Variants in ETV6 observed in about 807,000 individuals in gnomAD.
The protein encoded by ETV6 is transcription factor ETV6.
In ETV6, 16 loss-of-function variants were observed where a neutral mutation model predicts 51.1. That is an observed-to-expected ratio of 0.31 (90% CI 0.21 to 0.48). ETV6 has a LOEUF of 0.48. Ranked by LOEUF, ETV6 falls within the 20% of genes least tolerant of loss-of-function variation. The pLI, the probability that ETV6 is intolerant of heterozygous loss-of-function variation, is 0.99. For synonymous variants in ETV6, 240 were observed against 224.1 expected, an observed-to-expected ratio of 1.07 and a Z score of -0.64; for missense variants, 458 against 594.8, an observed-to-expected ratio of 0.77 and a Z score of 2.39.
chr12:11,700,586 A>G (rs1464236469), intron 1 of ETV6, among the ~76,000 whole-genome samples: 1 of 152,218 alleles, frequency 6.6e-6, no homozygotes, highest in African/African-American at 2.4e-5. Context: ...GTTAATTAAC[A>G]CATATTTTGT....
At chr12:11,838,923 C>T (rs1946351851) in intron 2 of ETV6, among the ~76,000 whole-genome samples, 1 of 152,252 alleles carries the variant, frequency 6.6e-6, no homozygotes, top group Non-Finnish European at 1.5e-5. Context: ...ACAAACTGCT[C>T]CCTGGACTCC....
chr12:11,880,069 T>C (rs2136577245), intron 5 of ETV6, among the ~76,000 whole-genome samples: 1 of 150,312 alleles, frequency 6.7e-6, no homozygotes, highest in African/African-American at 2.4e-5. Context: ...AAATCTATTG[T>C]GTGGTCAGGC....
intron 1 of ETV6, among the ~76,000 whole-genome samples, chr12:11,741,502 C>T (rs1414665515): frequency 1.3e-5 from 2 of 152,182 alleles, no homozygotes; most frequent in African/African-American, 4.8e-5. Context: ...CAAGTGCAGC[C>T]AGTGCTCAGG....
At chr12:11,722,329 G>C (rs996432581) in intron 1 of ETV6, among the ~76,000 whole-genome samples, 2 of 152,188 alleles carry the variant, frequency 1.3e-5, no homozygotes, top group Non-Finnish European at 2.9e-5. Flanking sequence ...CTCCAGGGAG[G>C]AGAAGAAGGA....
chr12:11,842,034 A>G (rs1409621541), intron 3 of ETV6, among the ~76,000 whole-genome samples: 1 of 149,110 alleles, frequency 6.7e-6, no homozygotes, highest in Non-Finnish European at 1.5e-5. Flanking sequence ...GTGAGCCGAG[A>G]TCCCGCCACT....
intron 1 of ETV6, among the ~76,000 whole-genome samples, chr12:11,733,614 T>C (rs1591638169): frequency 6.6e-6 from 1 of 152,100 alleles, no homozygotes; most frequent in East Asian, 1.9e-4. Context: ...CAGGTTCTCA[T>C]TCTGACAACT....
chr12:11,749,263 C>A (rs964608139), intron 1 of ETV6, among the ~76,000 whole-genome samples: 3 of 147,026 alleles, frequency 2.0e-5, no homozygotes, highest in Non-Finnish European at 4.5e-5. Context: ...TTATAATCCT[C>A]TTGGGAAAAT....
intron 1 of ETV6, among the ~76,000 whole-genome samples, chr12:11,680,582 A>G (rs1217703979): frequency 6.6e-6 from 1 of 152,192 alleles, no homozygotes; most frequent in Non-Finnish European, 1.5e-5. Flanking sequence ...TCTCTCCATT[A>G]AAGACTCATG....
intron 2 of ETV6, among the ~76,000 whole-genome samples, chr12:11,792,886 AACTT>A (rs1945623406): frequency 6.6e-6 from 1 of 152,172 alleles, no homozygotes; most frequent in Admixed American, 6.5e-5. Context: ...TTATTTGAGC[AACTT>A]ACTTTATTAA....
At chr12:11,652,587 G>GT (rs1295376916) in intron 1 of ETV6, among the ~76,000 whole-genome samples, 4 of 152,186 alleles carry the variant, frequency 2.6e-5, no homozygotes, top group Admixed American at 2.0e-4. Context: ...CTGTGGAGAG[G>GT]TTTTTCCCAG....
At position 11,834,066 on chromosome 12, in the gene ETV6, G is replaced by C. The variant is rs114223671; in HGVS notation, c.164-5074G>C. Among the ~76,000 whole-genome samples the C allele has an allele frequency of 3.5e-3, 535 of 152,312 alleles. 3 individuals are homozygous for C. Among genetic ancestry groups the C allele is most frequent in the African/African-American group, 0.012 (518 of 41,568 alleles). On this transcript the variant is annotated intron_variant, in intron 2 of 7. Coordinates refer to ENST00000396373, the MANE Select transcript of ETV6 (RefSeq NM_001987.5). Reference sequence around the variant, plus strand: ...GGAATTGAAGCCACATAGATCTCTGGAGGAGGCAGGCAGGTTGGTAAGGGT... The same window carrying C: ...GGAATTGAAGCCACATAGATCTCTGCAGGAGGCAGGCAGGTTGGTAAGGGT...
chr12:11,839,080 C>A, intron 2 of ETV6, 60 bp from the exon 3 acceptor site: 1 of 1,540,858 alleles, frequency 6.5e-7, no homozygotes, highest in Non-Finnish European at 8.8e-7. Context: ...CCCTTTATTC[C>A]AGCTGTCTAA....
At chr12:11,790,150 T>C (rs74388494) in intron 2 of ETV6, among the ~76,000 whole-genome samples, 1 of 151,592 alleles carries the variant, frequency 6.6e-6, no homozygotes, top group African/African-American at 2.4e-5. Context: ...GTACTTTTTT[T>C]GTTCGACTTG....
intron 5 of ETV6, 115 bp downstream of exon 5, chr12:11,870,084 G>T: frequency 8.1e-7 from 1 of 1,228,666 alleles, no homozygotes. Context: ...GCCCTCCAAG[G>T]CTCTCTGAGG....
chr12:11,886,395 C>G (rs886647207), intron 7 of ETV6, among the ~76,000 whole-genome samples: 1 of 151,780 alleles, frequency 6.6e-6, no homozygotes, highest in Non-Finnish European at 1.5e-5. Flanking sequence ...ACTTTCTGAA[C>G]CAGTATTTGT....
chr12:11,879,269 AG>A (rs1164001667), intron 5 of ETV6, among the ~76,000 whole-genome samples: 1 of 152,232 alleles, frequency 6.6e-6, no homozygotes, highest in East Asian at 1.9e-4. Context: ...GGCAGTTAAA[AG>A]AACATAAAAT....
In ETV6 at chr12:11,688,842, G is replaced by A. The variant is rs373896868; in HGVS notation, c.33+38682G>A. Among the ~76,000 whole-genome samples, 167 of 152,328 alleles carry A rather than the reference G, an allele frequency of 1.1e-3. 1 individual carries two copies. Among genetic ancestry groups the A allele is most frequent in the African/African-American group, 3.9e-3 (162 of 41,564 alleles). ...CTGGTCAGGACATCATATGTTTAGA[G>A]AGCAAGGTTAGAGGAGTTACCACAG... On this transcript the variant is annotated intron_variant, in intron 1 of 7. Transcript: ENST00000396373.
rs553698830 is a variant in ETV6, at chr12:11,792,053, G to A, written c.163+39474G>A. Among the ~76,000 whole-genome samples the A allele has an allele frequency of 1.2e-4, 19 of 152,158 alleles. No individual in the cohort carries two copies. The East Asian group carries it at 1.5e-3, about 12-fold the overall frequency. On this transcript the variant is annotated intron_variant, in intron 2 of 7. Transcript: ENST00000396373. The stretch of plus-strand genomic sequence containing the variant: ...GCAAGGAGCCAGCTCTGAGAGCTGC[G>A]GCTAAAAGCAAAGCCTGTATCCACA...
At position 11,891,668 on chromosome 12, in the gene ETV6, G is replaced by A; in HGVS notation, c.*622G>A. On this transcript the variant is annotated 3_prime_UTR_variant, in exon 8 of 8. Transcript: ENST00000396373. ...GCTCTCTTTTTCTCTCTCTTGCTCT[G>A]TTCTTCCCTTGGTCCCCTCTGTCCT... 2.0e-6 allele frequency: 1 copy of A among 509,058 alleles called. No homozygotes were observed. The allele number at this position is 509,058 out of a possible 1,614,324, so 31.5% of individuals were successfully genotyped here.
Sources: gnomAD v4.1 joint callset for allele counts (sites outside exome capture counted in the v4.1 genomes callset) on GRCh38, gnomAD v4.1.1 for gene constraint, MANE v1.5 for transcripts, NCBI Gene and HGNC (gene_info 2026-07-23, HGNC 2026-07-21) for gene names.